The following SPSB4 variants were observed in gnomAD, a reference collection of about 807,000 sequenced individuals.
The protein encoded by SPSB4 is splA/ryanodine receptor domain and SOCS box containing 4, also known as SPRY domain-containing SOCS box protein 4.
SPSB4 carries 21 observed loss-of-function variants against 20.9 expected under a neutral mutation model. The observed-to-expected ratio is 1.01, with a 90% CI of 0.71 to 1.45. SPSB4 has a LOEUF of 1.45. SPSB4 is among the 40% of genes most tolerant of loss of function. SPSB4 has a pLI of 0.00. For synonymous variants in SPSB4, 207 were observed against 183.8 expected (o/e 1.13, Z -1.02); for missense variants, 399 against 399.2 (o/e 1.00, Z 0.00).
chr3:141,092,219 G>A (rs1264804824), intron 2 of SPSB4, among the ~76,000 whole-genome samples: 1 of 152,194 alleles, frequency 6.6e-6, no homozygotes, highest in African/African-American at 2.4e-5. Context: ...TCTGCAAGAT[G>A]GGAGGGTAAT....
At chr3:141,140,385 G>T (rs976576627) in intron 2 of SPSB4, among the ~76,000 whole-genome samples, 1 of 152,146 alleles carries the variant, frequency 6.6e-6, no homozygotes, top group Non-Finnish European at 1.5e-5. Context: ...GAGGAGCTGC[G>T]TTCCTTTGGA....
At chr3:141,081,085 G>C (rs1040989757) in intron 2 of SPSB4, among the ~76,000 whole-genome samples, 1 of 152,186 alleles carries the variant, frequency 6.6e-6, no homozygotes, top group Non-Finnish European at 1.5e-5. Flanking sequence ...GGAGGGACTG[G>C]GCATCTGGAT....
chr3:141,102,362 A>C (rs1576531578), intron 2 of SPSB4, among the ~76,000 whole-genome samples: 1 of 152,188 alleles, frequency 6.6e-6, no homozygotes, highest in East Asian at 1.9e-4. Flanking sequence ...CGATTACAGA[A>C]ATTAGCCTGT....
intron 2 of SPSB4, among the ~76,000 whole-genome samples, chr3:141,145,281 T>C (rs1939396189): frequency 6.6e-6 from 1 of 151,552 alleles, no homozygotes; most frequent in African/African-American, 2.4e-5. Flanking sequence ...GAGTCACTAG[T>C]GCTCCCTGCA....
chr3:141,131,698 A>C (rs939717153), intron 2 of SPSB4, among the ~76,000 whole-genome samples: 2 of 152,264 alleles, frequency 1.3e-5, no homozygotes, highest in African/African-American at 4.8e-5. Context: ...GTTCTATATG[A>C]AGTTACACAA....
At chr3:141,138,025 C>T (rs1294991385) in intron 2 of SPSB4, among the ~76,000 whole-genome samples, 1 of 152,130 alleles carries the variant, frequency 6.6e-6, no homozygotes, top group African/African-American at 2.4e-5. Context: ...TGTTATTGGT[C>T]TATTCAGAGA....
chr3:141,055,382 A>C (rs1937619502), intron 1 of SPSB4, among the ~76,000 whole-genome samples: 1 of 152,138 alleles, frequency 6.6e-6, no homozygotes, highest in African/African-American at 2.4e-5. Context: ...AGAGTCTGGC[A>C]TGACTGGTCT....
In SPSB4 at chr3:141,118,194, C is replaced by T. The variant is rs185095212; in HGVS notation, c.695-28948C>T. On this transcript the variant is annotated intron_variant, in intron 2 of 2. Coordinates refer to ENST00000310546, the MANE Select transcript of SPSB4 (RefSeq NM_080862.3). ...TTTTAATGATTGCCATTCTAACTGG[C>T]ATGAGATGGTATCTCATTGTGGTTT... Among the ~76,000 whole-genome samples, 1,240 of 152,288 alleles carry T rather than the reference C, an allele frequency of 8.1e-3. 6 individuals carry two copies. Among genetic ancestry groups the T allele is most frequent in the Middle Eastern group, 0.017 (5 of 294 alleles).
Position 141,066,515 on chromosome 3 carries a change from C to T in SPSB4, c.411C>T (p.Ala137=), listed in dbSNP as rs1232871030. ...VGYTALVGSD[A]ESWGWDLGRS... ...ACACGGCGCTGGTAGGCAGTGACGC[C>T]GAGTCGTGGGGCTGGGACCTGGGCC... The change falls in exon 2 of 3, where the codon GCC becomes GCT. Residue 137 remains alanine, a synonymous_variant. Transcript: ENST00000310546. The T allele has an allele frequency of 2.0e-6, 3 of 1,504,820 alleles. No homozygotes were observed. Among genetic ancestry groups the T allele is most frequent in the African/African-American group, 2.8e-5 (2 of 72,674 alleles). The allele number at this position is 1,504,820 out of a possible 1,614,324, so 93.2% of individuals were successfully genotyped here.
At chr3:141,074,033 C>G (rs1938055890) in intron 2 of SPSB4, among the ~76,000 whole-genome samples, 2 of 152,200 alleles carry the variant, frequency 1.3e-5, no homozygotes, top group African/African-American at 2.4e-5. Context: ...TCATGGAAGT[C>G]TGGCTTGCAG....
intron 2 of SPSB4, among the ~76,000 whole-genome samples, chr3:141,128,528 G>A (rs1334456683): frequency 6.6e-6 from 1 of 152,102 alleles, no homozygotes; most frequent in Non-Finnish European, 1.5e-5. Context: ...GGAGCCAGGA[G>A]GGGCCCTGCC....
At chr3:141,081,861 C>T (rs1938238602) in intron 2 of SPSB4, among the ~76,000 whole-genome samples, 2 of 152,156 alleles carry the variant, frequency 1.3e-5, no homozygotes, top group African/African-American at 4.8e-5. Context: ...GCGTTAGGGG[C>T]TACTTCATAT....
intron 2 of SPSB4, among the ~76,000 whole-genome samples, chr3:141,087,242 G>T (rs1938361956): frequency 6.6e-6 from 1 of 152,210 alleles, no homozygotes; most frequent in Non-Finnish European, 1.5e-5. Context: ...TAGGTTGACT[G>T]GCCGGAAGGA....
intron 2 of SPSB4, among the ~76,000 whole-genome samples, chr3:141,135,545 A>G (rs1051728127): frequency 1.5e-5 from 2 of 132,596 alleles, no homozygotes; most frequent in African/African-American, 2.9e-5. Flanking sequence ...TCCTGTGTCC[A>G]TGTGTTCTCA....
chr3:141,131,867 G>A (rs1939136523), intron 2 of SPSB4, among the ~76,000 whole-genome samples: 1 of 152,212 alleles, frequency 6.6e-6, no homozygotes, highest in Non-Finnish European at 1.5e-5. Context: ...AGCAGTTTTA[G>A]TCAATGTGGC....
At chr3:141,146,083 C>T (rs563036491) in intron 2 of SPSB4, among the ~76,000 whole-genome samples, 1 of 151,936 alleles carries the variant, frequency 6.6e-6, no homozygotes, top group African/African-American at 2.4e-5. Context: ...CCACCACCCC[C>T]CTACCTGCCC....
At chr3:141,064,607 G>A (rs1363027501) in intron 1 of SPSB4, among the ~76,000 whole-genome samples, 1 of 152,150 alleles carries the variant, frequency 6.6e-6, no homozygotes, top group African/African-American at 2.4e-5. Flanking sequence ...CTGGACTTTG[G>A]CTAGGGGTGT....
chr3:141,061,609 A>C (rs575857992), intron 1 of SPSB4, among the ~76,000 whole-genome samples: 6 of 151,652 alleles, frequency 4.0e-5, no homozygotes, highest in Non-Finnish European at 8.8e-5. Context: ...TTATTAACTT[A>C]TTTTAATAAT....
chr3:141,136,095 G>A (rs1309562210), intron 2 of SPSB4, among the ~76,000 whole-genome samples: 1 of 152,184 alleles, frequency 6.6e-6, no homozygotes, highest in Non-Finnish European at 1.5e-5. Flanking sequence ...GATGGCCAGT[G>A]ATGATGAGCA....
Sources: gnomAD v4.1 joint callset for allele counts (sites outside exome capture counted in the v4.1 genomes callset) on GRCh38, gnomAD v4.1.1 for gene constraint, MANE v1.5 for transcripts, NCBI Gene and HGNC (gene_info 2026-07-23, HGNC 2026-07-21) for gene names.